The following ADK variants were observed in gnomAD, a reference collection of about 807,000 sequenced individuals.
ADK encodes the protein N6,N6-dimethyladenosine kinase.
In ADK, 24 loss-of-function variants were observed where a neutral mutation model predicts 44.7. The observed-to-expected ratio is 0.54, with a 90% confidence interval of 0.39 to 0.76. ADK has a LOEUF of 0.76. Among genes scored for constraint, ADK ranks in the 30% least tolerant of loss-of-function variants. ADK has a pLI of 0.00. For missense variants in ADK, 321 were observed against 425.1 expected (o/e 0.76, Z 2.15); for synonymous variants, 128 against 142.6 (o/e 0.90, Z 0.73).
chr10:74,646,102 G>A (rs1004000856), intron 9 of ADK, among the ~76,000 whole-genome samples: 2 of 152,158 alleles, frequency 1.3e-5, no homozygotes, highest in Non-Finnish European at 2.9e-5. Flanking sequence ...ATCAATAATT[G>A]TATAATTATG....
At chr10:74,518,783 A>G (rs1848696619) in intron 6 of ADK, among the ~76,000 whole-genome samples, 2 of 152,156 alleles carry the variant, frequency 1.3e-5, no homozygotes. Flanking sequence ...CAATTTTTGT[A>G]CCTAAACTTA....
In ADK at chr10:74,572,056, C is replaced by A. The variant is rs1850988193; in HGVS notation, c.727-17226C>A. Reference sequence around the variant, plus strand: ...TTTGATCCTGTCATTATGATGTTAGCTGGTTATTTTGCTCGTTAGTTGATG... The same window carrying A: ...TTTGATCCTGTCATTATGATGTTAGATGGTTATTTTGCTCGTTAGTTGATG... On this transcript the variant is annotated intron_variant, in intron 7 of 10. Coordinates refer to ENST00000539909, the MANE Select transcript of ADK (RefSeq NM_006721.4). Among the ~76,000 whole-genome samples, 3 of 152,066 alleles carry A rather than the reference C, an allele frequency of 2.0e-5. No individual in the cohort carries two copies. The South Asian group carries it at 6.2e-4, about 32-fold the overall frequency.
chr10:74,278,353 CAAAAAAAAAAATTAAA>C (rs1846781544), intron 3 of ADK, among the ~76,000 whole-genome samples: 1 of 61,470 alleles, frequency 1.6e-5, no homozygotes, highest in Admixed American at 2.0e-4. Flanking sequence ...GACCCCATCT[CAAAAAAAAAAATTAAA>C]AAAAAAAAAA....
chr10:74,625,640 C>A (rs898531895), intron 9 of ADK, among the ~76,000 whole-genome samples: 1 of 151,988 alleles, frequency 6.6e-6, no homozygotes, highest in Non-Finnish European at 1.5e-5. Flanking sequence ...CTGCAATAAT[C>A]CCTCTAAAAA....
At chr10:74,301,121 G>A (rs569454391) in intron 3 of ADK, among the ~76,000 whole-genome samples, 76 of 152,132 alleles carry the variant, frequency 5.0e-4, no homozygotes, top group African/African-American at 1.8e-3. Flanking sequence ...TCAGTATTTG[G>A]GAGTATCTAT....
chr10:74,407,950 T>C (rs1041400731), intron 6 of ADK, among the ~76,000 whole-genome samples: 4 of 152,088 alleles, frequency 2.6e-5, no homozygotes, highest in African/African-American at 9.7e-5. Flanking sequence ...TTTTTCCCTT[T>C]TTCAGGTAAC....
intron 3 of ADK, among the ~76,000 whole-genome samples, chr10:74,238,494 T>TA: frequency 6.6e-6 from 1 of 152,212 alleles, no homozygotes; most frequent in East Asian, 1.9e-4. Context: ...TCTGGTATCG[T>TA]AATTATTCCT....
At chr10:74,534,548 A>G (rs542983521) in intron 7 of ADK, among the ~76,000 whole-genome samples, 1 of 152,346 alleles carries the variant, frequency 6.6e-6, no homozygotes, top group South Asian at 2.1e-4. Flanking sequence ...CTACCATTGA[A>G]TAATGCTTTA....
At position 74,177,945 on chromosome 10, in the gene ADK, A is replaced by ATTTT. The variant is rs1158811749; in HGVS notation, c.66-22809_66-22806dup. Among the ~76,000 whole-genome samples the ATTTT allele has an allele frequency of 8.4e-3, 920 of 108,934 alleles. 16 individuals carry two copies. The highest frequency in any genetic ancestry group is 0.027 in the African/African-American group (772 of 28,500). 71.5% of individuals were successfully genotyped at this position (108,934 alleles called of 152,430 possible). The stretch of plus-strand genomic sequence containing the variant: ...TAATTATATATATATATATATATAT[A>ATTTT]TTTTTTTTTTTTTGAGACAGAGTTT... On this transcript the variant is annotated intron_variant, in intron 1 of 10. Coordinates refer to ENST00000539909, the MANE Select transcript of ADK (RefSeq NM_006721.4).
At chr10:74,314,843 A>G (rs1840561469) in intron 4 of ADK, 98 bp downstream of exon 4, 1 of 923,350 alleles carries the variant, frequency 1.1e-6, no homozygotes, top group African/African-American at 1.6e-5. Context: ...TTGCTGTAGA[A>G]TAGTTTTGTT....
intron 4 of ADK, among the ~76,000 whole-genome samples, chr10:74,325,257 G>T (rs1840966066): frequency 6.6e-6 from 1 of 151,958 alleles, no homozygotes; most frequent in Admixed American, 6.6e-5. Flanking sequence ...TATTTTAAGA[G>T]GAATTGTTTA....
At chr10:74,538,821 A>G (rs1169877838) in intron 7 of ADK, among the ~76,000 whole-genome samples, 1 of 152,148 alleles carries the variant, frequency 6.6e-6, no homozygotes, top group Non-Finnish European at 1.5e-5. Flanking sequence ...CTAATAGTTA[A>G]TTAATAATTT....
At chr10:74,301,192 A>C (rs1021468918) in intron 3 of ADK, among the ~76,000 whole-genome samples, 5 of 152,208 alleles carry the variant, frequency 3.3e-5, no homozygotes, top group African/African-American at 1.2e-4. Flanking sequence ...ATGTTAACAG[A>C]TGAATATTTG....
At chr10:74,199,900 G>GATC (rs1843311667) in intron 1 of ADK, among the ~76,000 whole-genome samples, 1 of 151,838 alleles carries the variant, frequency 6.6e-6, no homozygotes, top group Non-Finnish European at 1.5e-5. Context: ...GGATGGTCTT[G>GATC]ATCTGCTGAC....
chr10:74,505,199 G>A (rs908077934), intron 6 of ADK, among the ~76,000 whole-genome samples: 1 of 152,070 alleles, frequency 6.6e-6, no homozygotes, highest in Non-Finnish European at 1.5e-5. Flanking sequence ...CCCTAAAAAT[G>A]TTACTCTAAA....
intron 6 of ADK, chr10:74,506,167 T>C (rs539401513): frequency 6.4e-6 from 1 of 155,548 alleles, no homozygotes; most frequent in Non-Finnish European, 1.4e-5. Context: ...GTATTTTAAA[T>C]ATAAGATAAA....
intron 2 of ADK, among the ~76,000 whole-genome samples, chr10:74,206,831 G>C (rs770651494): frequency 7.9e-5 from 12 of 152,182 alleles, no homozygotes; most frequent in Admixed American, 4.6e-4. Context: ...GCAGCTGTGT[G>C]ATGATGTCAC....
chr10:74,271,931 G>A (rs1451562499), intron 3 of ADK, among the ~76,000 whole-genome samples: 1 of 151,890 alleles, frequency 6.6e-6, no homozygotes, highest in Non-Finnish European at 1.5e-5. Context: ...TTTTTTCTGA[G>A]TAGAAACCAA....
At chr10:74,408,799 A>C (rs1436639498) in intron 6 of ADK, among the ~76,000 whole-genome samples, 1 of 152,164 alleles carries the variant, frequency 6.6e-6, no homozygotes. Context: ...GATCATCATA[A>C]AGGTCTTTAT....
Sources: allele counts gnomAD v4.1 joint callset (sites outside exome capture counted in the v4.1 genomes callset), GRCh38; gene constraint gnomAD v4.1.1; transcripts MANE v1.5; gene names NCBI Gene and HGNC (gene_info 2026-07-23, HGNC 2026-07-21).